KHSRP: variants seen among roughly 807,000 people sequenced by gnomAD.
KHSRP encodes the protein far upstream element-binding protein 2.
In KHSRP, 13 loss-of-function variants were observed where a neutral mutation model predicts 94.9. The ratio of observed to expected loss-of-function variants is 0.14; its 90% confidence interval spans 0.09 to 0.22. KHSRP has a LOEUF of 0.22. KHSRP is among the 10% of genes least tolerant of loss of function. The pLI is 1.00. For missense variants in KHSRP, 710 were observed against 1,010.0 expected (o/e 0.70, Z 4.03); for synonymous variants, 495 against 401.4 (o/e 1.23, Z -2.79).
At chr19:6,417,602 G>A in intron 11 of KHSRP, 137 bp downstream of exon 11, 1 of 673,438 alleles carries the variant, frequency 1.5e-6, no homozygotes, top group Non-Finnish European at 2.6e-6. Context: ...GACTGGCCAT[G>A]TTCTGACGGC....
rs1178561260 is a variant in KHSRP, at chr19:6,414,132, G to A, written c.*892C>T. The A allele has an allele frequency of 1.6e-6, 2 of 1,286,376 alleles. No homozygotes were observed. Among genetic ancestry groups the A allele is most frequent in the Non-Finnish European group, 2.2e-6 (2 of 923,058 alleles). 79.7% of individuals were successfully genotyped at this position (1,286,376 alleles called of 1,614,324 possible). On this transcript the variant is annotated 3_prime_UTR_variant, in exon 19 of 19. Coordinates refer to ENST00000600480, the MANE Select transcript of KHSRP (RefSeq NM_001366299.1). The stretch of plus-strand genomic sequence containing the variant: ...TCGATTCATTGAGCCTGCGGAGAGG[G>A]AAGAGATAGGAATTGGTCACTACGG...
chr19:6,423,096 T>C (rs976959549), intron 1 of KHSRP, among the ~76,000 whole-genome samples: 6 of 152,064 alleles, frequency 3.9e-5, no homozygotes, highest in East Asian at 1.9e-4. Context: ...CTGGCTGACA[T>C]GGTCAAACTC....
At chr19:6,415,764 G>C (rs1431480292) in intron 16 of KHSRP, 30 bp from the exon 17 acceptor site, 2 of 1,552,010 alleles carry the variant, frequency 1.3e-6, no homozygotes, top group African/African-American at 1.4e-5. Context: ...TGAGACGGGG[G>C]GACAGAACAG....
At position 6,416,975 on chromosome 19, in the gene KHSRP, G is replaced by A. The variant is rs115090110; in HGVS notation, c.1182+12C>T. On this transcript the variant is annotated intron_variant, in intron 12 of 18. Coordinates refer to ENST00000600480, the MANE Select transcript of KHSRP (RefSeq NM_001366299.1). ...GGCCCTGCCAGCCCCTTCAGCACCC[G>A]GGGCCACCTACCCTGAGGCTCTGGA... is the stretch of plus-strand genomic sequence containing the variant. 55 of 1,613,394 alleles carry A rather than the reference G, an allele frequency of 3.4e-5. No homozygotes were observed. The highest frequency in any genetic ancestry group is 3.3e-4 in the Middle Eastern group (2 of 6,062).
chr19:6,413,864 C>A lies in KHSRP; in HGVS notation c.*1160G>T. The A allele has an allele frequency of 1.0e-5, 3 of 289,664 alleles. No individual in the cohort carries two copies. Among genetic ancestry groups the A allele is most frequent in the Middle Eastern group, 9.9e-4 (1 of 1,008 alleles). The allele number at this position is 289,664 out of a possible 1,614,324, so 17.9% of individuals were successfully genotyped here. A position where few individuals can be genotyped will look rare whatever the true frequency, so the allele number is the denominator to read the frequency against. On this transcript the variant is annotated 3_prime_UTR_variant, in exon 19 of 19. Coordinates refer to ENST00000600480, the MANE Select transcript of KHSRP (RefSeq NM_001366299.1). ...TTGGCAGAGATTTAGATCTCGCTATCTTCTCTGGCTGGCTCAACATGGAAG... is the reference window on the plus strand; with the variant it reads ...TTGGCAGAGATTTAGATCTCGCTATATTCTCTGGCTGGCTCAACATGGAAG...
At chr19:6,423,161 C>G (rs537359188) in intron 1 of KHSRP, among the ~76,000 whole-genome samples, 150 of 152,258 alleles carry the variant, frequency 9.9e-4, no homozygotes, top group African/African-American at 3.3e-3. Context: ...CACTTATAAT[C>G]CCAGCTACTC....
chr19:6,417,502 G>T (rs1049843410), intron 11 of KHSRP, among the ~76,000 whole-genome samples: 1 of 152,204 alleles, frequency 6.6e-6, no homozygotes, highest in Non-Finnish European at 1.5e-5. Flanking sequence ...TCCATCGTAG[G>T]GGGAGGAAGA....
intron 14 of KHSRP, 31 bp downstream of exon 14, chr19:6,416,459 G>A: frequency 1.9e-6 from 3 of 1,612,664 alleles, no homozygotes; most frequent in Non-Finnish European, 2.5e-6. Context: ...CGGGCTGTGA[G>A]ACCAAATCCC....
chr19:6,414,013 G>A lies in KHSRP; in HGVS notation c.*1011C>T, dbSNP rs1484842669. On this transcript the variant is annotated 3_prime_UTR_variant, in exon 19 of 19. Coordinates refer to ENST00000600480, the MANE Select transcript of KHSRP (RefSeq NM_001366299.1). ...GGGCTCCCCAGTACTCCCCACGGCA[G>A]CCATCGCTCTCTCGCCAAACAAAAC... The A allele has an allele frequency of 1.4e-6, 2 of 1,475,846 alleles. No individual in the cohort carries two copies. Among genetic ancestry groups the A allele is most frequent in the Admixed American group, 2.3e-5 (1 of 43,552 alleles). The allele number at this position is 1,475,846 out of a possible 1,614,324, so 91.4% of individuals were successfully genotyped here.
At chr19:6,420,505 G>A (rs1568344613) in intron 4 of KHSRP, 34 bp from the exon 5 acceptor site, 2 of 1,603,458 alleles carry the variant, frequency 1.2e-6, no homozygotes, top group Non-Finnish European at 1.7e-6. Flanking sequence ...CAGTCCTCAA[G>A]TGGGAAGGGA....
At position 6,418,404 on chromosome 19, in the gene KHSRP, G is replaced by A. The variant is rs958005069; in HGVS notation, c.879+79C>T. 7.0e-6 allele frequency: 7 copies of A among 1,006,026 alleles called. No individual in the cohort carries two copies. The highest frequency in any genetic ancestry group is 1.1e-5 in the Non-Finnish European group (7 of 648,676). 62.3% of individuals were successfully genotyped at this position (1,006,026 alleles called of 1,614,324 possible). A position where few individuals can be genotyped will look rare whatever the true frequency, so the allele number is the denominator to read the frequency against. On this transcript the variant is annotated intron_variant, in intron 9 of 18. Coordinates refer to ENST00000600480, the MANE Select transcript of KHSRP (RefSeq NM_001366299.1). The surrounding 1 kb of genome is among the most constrained non-coding windows in gnomAD (Gnocchi z 4.3). ...TGTTCACATATCTCTCTGGCGGAAT[G>A]CAGACCCCGAGACCGCTGGCCCTGC... is the stretch of plus-strand genomic sequence containing the variant.
intron 6 of KHSRP, among the ~76,000 whole-genome samples, chr19:6,419,611 C>T (rs941987439): frequency 7.2e-5 from 11 of 152,228 alleles, no homozygotes; most frequent in Non-Finnish European, 1.3e-4. Flanking sequence ...CCCTACCCAG[C>T]AGGCTTTCTG....
chr19:6,421,349 C>A (rs369307777), intron 3 of KHSRP, 32 bp from the exon 4 acceptor site: 109 of 1,573,840 alleles, frequency 6.9e-5, no homozygotes, highest in Non-Finnish European at 8.9e-5. Context: ...CAAAGACTGG[C>A]TTAGCTCCTC....
At chr19:6,423,237 C>G (rs555327833) in intron 1 of KHSRP, among the ~76,000 whole-genome samples, 1 of 152,284 alleles carries the variant, frequency 6.6e-6, no homozygotes, top group East Asian at 1.9e-4. Context: ...TGAGATCGTG[C>G]CACTGCACCC....
Position 6,419,222 on chromosome 19 carries a change from C to T in KHSRP, c.586G>A (p.Gly196Arg). Residue 196 changes from glycine (G) to arginine (R), a missense_variant, in exon 7 of 19, where the codon GGA becomes AGA. This residue lies in a region of KHSRP where 288 missense variants were observed against 501.1 expected (regional missense o/e 0.57). Transcript: ENST00000600480. The stretch of plus-strand genomic sequence containing the variant: ...ACTTACTGGACAGATTCTGGGGCTC[C>T]TGTCAAGGACACACTGCGCTCGGGT... ...GLPERSVSLT[G>R]APESVQKAKM... The T allele has an allele frequency of 6.3e-7, 1 of 1,584,636 alleles. No homozygotes were observed. Among genetic ancestry groups the T allele is most frequent in the Non-Finnish European group, 8.6e-7 (1 of 1,165,644 alleles).
In KHSRP at chr19:6,415,632, G is replaced by C; in HGVS notation, c.1790C>G (p.Ala597Gly). The change falls in exon 17 of 19, where the codon GCC (alanine) becomes GGC (glycine). Residue 597 changes from alanine to glycine, a missense_variant. This residue lies in a region of KHSRP where 292 missense variants were observed against 340.5 expected (regional missense o/e 0.86). Coordinates refer to ENST00000600480, the MANE Select transcript of KHSRP (RefSeq NM_001366299.1). ...PPGPVPGPAP[A>G]PAAPPAQGEP... The stretch of plus-strand genomic sequence containing the variant: ...ACCCTGAGCCGGTGGGGCCGCAGGG[G>C]CCGGTGCGGGGCCGGGGACGGGGCC... 6.5e-7 allele frequency: 1 copy of C among 1,527,078 alleles called. No homozygotes were observed. Among genetic ancestry groups the C allele is most frequent in the Non-Finnish European group, 8.8e-7 (1 of 1,138,428 alleles). The allele number at this position is 1,527,078 out of a possible 1,614,324, so 94.6% of individuals were successfully genotyped here.
chr19:6,415,659 G>A lies in KHSRP; in HGVS notation c.1763C>T (p.Pro588Leu), dbSNP rs1401808279. 8 of 1,539,904 alleles carry A rather than the reference G, an allele frequency of 5.2e-6. No individual in the cohort carries two copies. The highest frequency in any genetic ancestry group is 7.0e-6 in the Non-Finnish European group (8 of 1,143,950). ...AYYSHYYQQPPGPVPGPAPAP... is the reference protein window; with the variant it reads ...AYYSHYYQQPLGPVPGPAPAP... Reference sequence around the variant, plus strand: ...CGGTGCGGGGCCGGGGACGGGGCCCGGGGGCTGCTGGTAGTAGTGTGAGTA... The same window carrying A: ...CGGTGCGGGGCCGGGGACGGGGCCCAGGGGCTGCTGGTAGTAGTGTGAGTA... The change falls in exon 17 of 19, where the codon CCG (proline) becomes CTG (leucine). Residue 588 changes from proline (P) to leucine (L), a missense_variant. Pro to Leu is a moderately conservative substitution (Grantham distance 98). Transcript: ENST00000600480.
rs2092146209 is a variant in KHSRP, at chr19:6,416,345, G to A, written c.1551C>T (p.Pro517=). Residue 517 remains proline (P), a synonymous_variant, in exon 15 of 19, where the codon CCC becomes CCT. Coordinates refer to ENST00000600480, the MANE Select transcript of KHSRP (RefSeq NM_001366299.1). ...CCTGGTTGAAGGGCCCAGGATTGAA[G>A]GGCCCCATTGGGCCAGCAGGGCCTG... The part of the protein sequence containing the change: ...GGPGPAGPMG[P]FNPGPFNQGP... The A allele has an allele frequency of 1.2e-6, 2 of 1,609,390 alleles. No homozygotes were observed. Among genetic ancestry groups the A allele is most frequent in the Non-Finnish European group, 1.7e-6 (2 of 1,178,744 alleles).
At chr19:6,420,927 G>A (rs2092191417) in intron 4 of KHSRP, 2 of 392,886 alleles carry the variant, frequency 5.1e-6, no homozygotes, top group South Asian at 6.7e-5. Context: ...AGTGGGATGG[G>A]CACTTGCAGA....
Sources: gnomAD v4.1 joint callset for allele counts (sites outside exome capture counted in the v4.1 genomes callset) on GRCh38, gnomAD v4.1.1 for gene constraint, gnomAD v4.1.1 regional missense constraint, Gnocchi (gnomAD v3.1) non-coding constraint, MANE v1.5 for transcripts, NCBI Gene and HGNC (gene_info 2026-07-23, HGNC 2026-07-21) for gene names.